The following ICE1 variants were observed in gnomAD, a reference collection of about 807,000 sequenced individuals.
ICE1 encodes little elongation complex subunit 1.
ICE1 carries 64 observed loss-of-function variants against 192.7 expected under a neutral mutation model. The ratio of observed to expected loss-of-function variants is 0.33; its 90% CI spans 0.27 to 0.41. The LOEUF is 0.41. Ranked by LOEUF, ICE1 falls within the 10% of genes least tolerant of loss-of-function variation. ICE1 has a pLI of 1.00. For synonymous variants in ICE1, 1,010 were observed against 984.5 expected, an observed-to-expected ratio of 1.03 and a Z score of -0.49; for missense variants, 2,708 against 2,696.0, an observed-to-expected ratio of 1.00 and a Z score of -0.10.
In ICE1 at chr5:5,461,632, A is replaced by G; in HGVS notation, c.2298A>G (p.Pro766=). ...GAATTGAGCTCACACTAAATAAGCC[A>G]GATTTCACATCATTAATAGGTTCTC... ...DPRIELTLNK[P]DFTSLIGSQA... Residue 766 remains proline, a synonymous_variant, in exon 13 of 19, where the codon CCA becomes CCG. Coordinates refer to ENST00000296564, the MANE Select transcript of ICE1 (RefSeq NM_015325.3). 1 of 1,613,666 alleles carries G rather than the reference A, an allele frequency of 6.2e-7. No individual in the cohort carries two copies. The highest frequency in any genetic ancestry group is 2.2e-5 in the East Asian group (1 of 44,876).
chr5:5,460,370 A>T, intron 12 of ICE1, 66 bp from the exon 13 acceptor site: 1 of 999,346 alleles, frequency 1.0e-6, no homozygotes, highest in East Asian at 2.6e-5. Context: ...AAAATAATGC[A>T]TTTAATTGAT....
intron 7 of ICE1, 48 bp downstream of exon 7, chr5:5,444,374 A>C (rs1191366554): frequency 2.3e-6 from 3 of 1,330,494 alleles, no homozygotes; most frequent in South Asian, 1.3e-5. Flanking sequence ...TACAAAAATC[A>C]CTGGTAACTG....
chr5:5,430,648 T>C (rs1395534991), intron 1 of ICE1, among the ~76,000 whole-genome samples: 1 of 152,232 alleles, frequency 6.6e-6, no homozygotes, highest in African/African-American at 2.4e-5. Flanking sequence ...TGTTAAATAG[T>C]AGACTCATTG....
In ICE1 at chr5:5,489,419, C is replaced by A; in HGVS notation, c.*89C>A. 1 of 1,208,244 alleles carries A rather than the reference C, an allele frequency of 8.3e-7. No homozygotes were observed. The highest frequency in any genetic ancestry group is 1.7e-5 in the South Asian group (1 of 60,456). 74.8% of individuals were successfully genotyped at this position (1,208,244 alleles called of 1,614,324 possible). A position where few individuals can be genotyped will look rare whatever the true frequency, so the allele number is the denominator to read the frequency against. On this transcript the variant is annotated 3_prime_UTR_variant, in exon 19 of 19. Transcript: ENST00000296564. ...GCTTTCAGAATACAAAGGGAGGTTT[C>A]AAAACAAAAAGACATAAAATAGATA...
intron 1 of ICE1, among the ~76,000 whole-genome samples, chr5:5,429,017 GA>G (rs1404984730): frequency 7.2e-5 from 11 of 152,180 alleles, no homozygotes; most frequent in Non-Finnish European, 1.6e-4. Flanking sequence ...CATACAGAGT[GA>G]AGTCAGTAAA....
At chr5:5,428,519 A>T (rs752447844) in intron 1 of ICE1, among the ~76,000 whole-genome samples, 8 of 152,180 alleles carry the variant, frequency 5.3e-5, no homozygotes, top group Non-Finnish European at 1.2e-4. Context: ...CAATAATACA[A>T]ATAACCCTGA....
At position 5,464,801 on chromosome 5, in the gene ICE1, A is replaced by G. The variant is rs1192968607; in HGVS notation, c.5467A>G (p.Arg1823Gly). ...TGGTGACTGTAACCAAGACAAGTCA[A>G]GAGATTTGGGGACTCAGCAGGATTC... Reference protein sequence around the residue: ...SGGDCNQDKSRDLGTQQDSSG... With the variant: ...SGGDCNQDKSGDLGTQQDSSG... Residue 1823 changes from arginine to glycine, a missense_variant, in exon 13 of 19, where the codon AGA becomes GGA. Arg to Gly is a moderately radical substitution (Grantham distance 125). Coordinates refer to ENST00000296564, the MANE Select transcript of ICE1 (RefSeq NM_015325.3). The surrounding 1 kb of genome is among the most constrained non-coding windows in gnomAD (Gnocchi z 4.0). 2 of 1,613,690 alleles carry G rather than the reference A, an allele frequency of 1.2e-6. No homozygotes were observed. The highest frequency in any genetic ancestry group is 1.3e-5 in the African/African-American group (1 of 74,938).
chr5:5,478,927 C>T (rs1181297626), intron 17 of ICE1, among the ~76,000 whole-genome samples: 1 of 152,182 alleles, frequency 6.6e-6, no homozygotes, highest in African/African-American at 2.4e-5. Flanking sequence ...CCCTTCCTTA[C>T]ACCTTATACA....
intron 6 of ICE1, 61 bp downstream of exon 6, chr5:5,443,305 T>G: frequency 1.1e-6 from 1 of 927,464 alleles, no homozygotes. Flanking sequence ...ACGTAATTCT[T>G]AAGTCGGTAG....
In ICE1 at chr5:5,464,298, C is replaced by T. The variant is rs61736810; in HGVS notation, c.4964C>T (p.Ser1655Leu). ...RTSQPLSPLI[S>L]SSSPSSPASP... ...TCACAGCCACTGTCTCCACTGATAT[C>T]GAGTTCTAGTCCTTCCTCACCAGCC... The change falls in exon 13 of 19, where the codon TCG becomes TTG. Residue 1655 changes from serine to leucine, a missense_variant. Physicochemically the swap from Ser to Leu is moderately radical, Grantham distance 145. Coordinates refer to ENST00000296564, the MANE Select transcript of ICE1 (RefSeq NM_015325.3). This position sits in a 1 kb window ranked among gnomAD's most constrained non-coding sequence, Gnocchi z 4.0. 2,506 of 1,613,576 alleles carry T rather than the reference C, an allele frequency of 1.6e-3. 29 individuals carry two copies. In the African/African-American group the frequency reaches 0.029, roughly 19 times the overall value.
At chr5:5,470,303 G>C (rs996740617) in intron 15 of ICE1, among the ~76,000 whole-genome samples, 1 of 152,172 alleles carries the variant, frequency 6.6e-6, no homozygotes, top group African/African-American at 2.4e-5. Context: ...CCCGCCTTCA[G>C]AATGTTATCT....
In ICE1 at chr5:5,462,536, G is replaced by C. The variant is rs1738828137; in HGVS notation, c.3202G>C (p.Asp1068His). The change falls in exon 13 of 19, where the codon GAC becomes CAC. Residue 1068 changes from aspartate (D) to histidine (H), a missense_variant. Asp to His is a moderately conservative substitution (Grantham distance 81). Transcript: ENST00000296564. Reference protein sequence around the residue: ...GALPECFGTTDTTFSSAFCRK... With the variant: ...GALPECFGTTHTTFSSAFCRK... ...TTTGCCTGAGTGTTTTGGCACCACA[G>C]ACACTACTTTTTCTTCAGCATTTTG... 2 of 1,614,026 alleles carry C rather than the reference G, an allele frequency of 1.2e-6. No homozygotes were observed. Among genetic ancestry groups the C allele is most frequent in the Non-Finnish European group, 1.7e-6 (2 of 1,179,892 alleles).
chr5:5,473,345 C>A (rs1361586717), intron 15 of ICE1, among the ~76,000 whole-genome samples: 1 of 152,122 alleles, frequency 6.6e-6, no homozygotes, highest in African/African-American at 2.4e-5. Context: ...CTGCATCCTG[C>A]CTATATTGCT....
intron 1 of ICE1, 35 bp downstream of exon 1, chr5:5,423,034 G>T (rs960882915): frequency 2.3e-6 from 3 of 1,309,448 alleles, no homozygotes; most frequent in Non-Finnish European, 2.9e-6. Flanking sequence ...GCGCGGGGGG[G>T]GACTCGGCTC....
In ICE1 at chr5:5,462,175, A is replaced by C. The variant is rs969899327; in HGVS notation, c.2841A>C (p.Glu947Asp). ...FNSPGGSSPV[E>D]NSDCSTNSRL... ...CTCCAGGTGGTTCTTCACCAGTAGA[A>C]AATTCTGATTGTTCCACAAATAGCA... The change falls in exon 13 of 19, where the codon GAA becomes GAC. Residue 947 changes from glutamate (E) to aspartate (D), a missense_variant. Glu to Asp is a conservative substitution (Grantham distance 45, BLOSUM62 2). Coordinates refer to ENST00000296564, the MANE Select transcript of ICE1 (RefSeq NM_015325.3). 2 of 1,612,926 alleles carry C rather than the reference A, an allele frequency of 1.2e-6. No homozygotes were observed. The highest frequency in any genetic ancestry group is 2.7e-5 in the African/African-American group (2 of 74,946).
At chr5:5,484,038 G>C (rs1739573990) in intron 17 of ICE1, among the ~76,000 whole-genome samples, 1 of 152,106 alleles carries the variant, frequency 6.6e-6, no homozygotes, top group South Asian at 2.1e-4. Context: ...ACAGTGCTGG[G>C]GATTGCATTG....
intron 1 of ICE1, among the ~76,000 whole-genome samples, chr5:5,433,020 G>A (rs2111335904): frequency 6.6e-6 from 1 of 152,276 alleles, no homozygotes; most frequent in East Asian, 1.9e-4. Flanking sequence ...ATTGATTGAA[G>A]AATGTCTAGT....
At chr5:5,486,688 T>A in intron 17 of ICE1, 33 bp from the exon 18 acceptor site, 1 of 1,385,252 alleles carries the variant, frequency 7.2e-7, no homozygotes, top group Non-Finnish European at 1.0e-6. Context: ...AACATTTAAC[T>A]GGACTGTTTA....
chr5:5,470,062 C>T (rs1039338614), intron 15 of ICE1, among the ~76,000 whole-genome samples: 1 of 152,090 alleles, frequency 6.6e-6, no homozygotes, highest in African/African-American at 2.4e-5. Flanking sequence ...CAGAGAATTA[C>T]CTGCCTCTGG....
Sources: gnomAD v4.1 joint callset for allele counts (sites outside exome capture counted in the v4.1 genomes callset) on GRCh38, gnomAD v4.1.1 for gene constraint, Gnocchi (gnomAD v3.1) non-coding constraint, MANE v1.5 for transcripts, NCBI Gene and HGNC (gene_info 2026-07-23, HGNC 2026-07-21) for gene names.